The following CAMK4 variants were observed in gnomAD, a reference collection of about 807,000 sequenced individuals.
The protein encoded by CAMK4 is calcium/calmodulin dependent protein kinase IV.
CAMK4 carries 22 observed loss-of-function variants against 44.9 expected under a neutral mutation model. The observed-to-expected ratio is 0.49, with a 90% CI of 0.35 to 0.70. CAMK4 has a LOEUF of 0.70. CAMK4 is among the 30% of genes least tolerant of loss of function. CAMK4 has a pLI of 0.01. For synonymous variants in CAMK4, 218 were observed against 215.4 expected, an observed-to-expected ratio of 1.01 and a Z score of -0.11; for missense variants, 498 against 586.8, an observed-to-expected ratio of 0.85 and a Z score of 1.56.
chr5:111,368,812 T>C (rs1229806361), intron 2 of CAMK4, among the ~76,000 whole-genome samples: 2 of 152,050 alleles, frequency 1.3e-5, no homozygotes, highest in Non-Finnish European at 2.9e-5. Context: ...AGATTCTTAT[T>C]TGCTTCACCC....
intron 1 of CAMK4, among the ~76,000 whole-genome samples, chr5:111,269,330 C>G (rs1750400502): frequency 6.6e-6 from 1 of 152,138 alleles, no homozygotes; most frequent in African/African-American, 2.4e-5. Context: ...TTTTGGATAC[C>G]TTGGTCTTTT....
rs888959228 is a variant in CAMK4 at position 111,484,264 on chromosome 5, A to G, written c.1220A>G (p.Asp407Gly). 1 of 1,614,134 alleles carries G rather than the reference A, an allele frequency of 6.2e-7. No individual in the cohort carries two copies. The highest frequency in any genetic ancestry group is 8.5e-7 in the Non-Finnish European group (1 of 1,180,028). ...GCCTTAGAGAAAGTTAAAGGTGCAG[A>G]TATAAATGCTGAAGAGGCCCCCAAA... is the stretch of plus-strand genomic sequence containing the variant. Reference protein sequence around the residue: ...VQALEKVKGADINAEEAPKMV... With the variant: ...VQALEKVKGAGINAEEAPKMV... Residue 407 changes from aspartate (D) to glycine (G), a missense_variant, in exon 11 of 11, where the codon GAT becomes GGT. Asp to Gly is a moderately conservative substitution (Grantham distance 94). Coordinates refer to ENST00000282356, the MANE Select transcript of CAMK4 (RefSeq NM_001744.6). This position sits in a 1 kb window ranked among gnomAD's most constrained non-coding sequence, Gnocchi z 5.3.
chr5:111,393,013 G>T (rs558310380), intron 4 of CAMK4, among the ~76,000 whole-genome samples: 1 of 152,094 alleles, frequency 6.6e-6, no homozygotes, highest in Non-Finnish European at 1.5e-5. Flanking sequence ...ACACTAACTG[G>T]TCACTGAAAA....
intron 2 of CAMK4, among the ~76,000 whole-genome samples, chr5:111,345,940 C>G (rs1406316330): frequency 6.6e-6 from 1 of 151,930 alleles, no homozygotes; most frequent in African/African-American, 2.4e-5. Flanking sequence ...CAGATGTTGT[C>G]AAACACAGTT....
rs1289684217 is a variant in CAMK4 at position 111,446,728 on chromosome 5, G to C, written c.502G>C (p.Glu168Gln). Reference protein sequence around the residue: ...NGIVHRDLKPENLLYATPAPD... With the variant: ...NGIVHRDLKPQNLLYATPAPD... Reference sequence around the variant, plus strand: ...GATTGTCCATCGTGATCTCAAACCAGAGAATCTTCTTTATGCAACTCCAGC... The same window carrying C: ...GATTGTCCATCGTGATCTCAAACCACAGAATCTTCTTTATGCAACTCCAGC... The change falls in exon 6 of 11, where the codon GAG becomes CAG. Residue 168 changes from glutamate (E) to glutamine (Q), a missense_variant. By Grantham distance (29) the Glu-to-Gln change is conservative. Coordinates refer to ENST00000282356, the MANE Select transcript of CAMK4 (RefSeq NM_001744.6). 15 of 1,608,160 alleles carry C rather than the reference G, an allele frequency of 9.3e-6. No homozygotes were observed. Among genetic ancestry groups the C allele is most frequent in the Non-Finnish European group, 1.3e-5 (15 of 1,175,866 alleles).
At chr5:111,239,507 G>A (rs1490350129) in intron 1 of CAMK4, among the ~76,000 whole-genome samples, 2 of 152,106 alleles carry the variant, frequency 1.3e-5, no homozygotes, top group East Asian at 3.9e-4. Flanking sequence ...ATCCAAGAAG[G>A]GAGATTTTTA....
At chr5:111,288,295 C>A (rs1751316645) in intron 1 of CAMK4, among the ~76,000 whole-genome samples, 1 of 152,158 alleles carries the variant, frequency 6.6e-6, no homozygotes, top group African/African-American at 2.4e-5. Context: ...TAACCTAGCA[C>A]ACATGTGCAA....
At chr5:111,474,311 G>C (rs1227674013) in intron 8 of CAMK4, among the ~76,000 whole-genome samples, 1 of 152,218 alleles carries the variant, frequency 6.6e-6, no homozygotes, top group South Asian at 2.1e-4. Context: ...TTTTCTCACA[G>C]TTTTCGGGGG....
At chr5:111,239,963 G>A (rs149775343) in intron 1 of CAMK4, among the ~76,000 whole-genome samples, 29 of 152,238 alleles carry the variant, frequency 1.9e-4, no homozygotes, top group African/African-American at 6.5e-4. Context: ...GTAAATATTT[G>A]ACTACTGTTT....
Position 111,224,702 on chromosome 5 carries a change from C to A in CAMK4, c.161+58C>A. On this transcript the variant is annotated intron_variant, in intron 1 of 10. Transcript: ENST00000282356. This position sits in a 1 kb window ranked among gnomAD's most constrained non-coding sequence, Gnocchi z 5.7. The stretch of plus-strand genomic sequence containing the variant: ...GGCGTGCACTGGGGGTTGTCCCTCT[C>A]GCAGCGACGGCTCGGAGGGTGCGGG... 1 of 1,525,534 alleles carries A rather than the reference C, an allele frequency of 6.6e-7. No homozygotes were observed. The highest frequency in any genetic ancestry group is 8.9e-7 in the Non-Finnish European group (1 of 1,124,926). 94.5% of individuals were successfully genotyped at this position (1,525,534 alleles called of 1,614,324 possible).
intron 4 of CAMK4, among the ~76,000 whole-genome samples, chr5:111,387,193 A>G (rs1004769297): frequency 2.6e-5 from 4 of 152,154 alleles, no homozygotes; most frequent in Non-Finnish European, 5.9e-5. Flanking sequence ...TTATCCCTCT[A>G]TTTTTACAGC....
chr5:111,412,729 A>C (rs1752674014), intron 5 of CAMK4, among the ~76,000 whole-genome samples: 1 of 152,168 alleles, frequency 6.6e-6, no homozygotes, highest in African/African-American at 2.4e-5. Flanking sequence ...TAGAACAGAG[A>C]CTTGGTGGAA....
intron 4 of CAMK4, among the ~76,000 whole-genome samples, chr5:111,382,015 T>A (rs1230555193): frequency 6.6e-6 from 1 of 152,176 alleles, no homozygotes; most frequent in Non-Finnish European, 1.5e-5. Context: ...TCACTTTCTT[T>A]CTTATTAAGT....
chr5:111,333,410 GCAAA>G (rs35356337), intron 1 of CAMK4, among the ~76,000 whole-genome samples: 59,839 of 151,162 alleles, frequency 0.4, 12,773 homozygotes, highest in South Asian at 0.56. Flanking sequence ...ATATTTTGAA[GCAAA>G]CAAAGAGGAC....
At chr5:111,356,729 C>A (rs1336300781) in intron 2 of CAMK4, among the ~76,000 whole-genome samples, 1 of 152,118 alleles carries the variant, frequency 6.6e-6, no homozygotes, top group Non-Finnish European at 1.5e-5. Context: ...TATGGCTAGC[C>A]AGTTTTGCCA....
chr5:111,259,186 C>G (rs1749872893), intron 1 of CAMK4, among the ~76,000 whole-genome samples: 1 of 152,164 alleles, frequency 6.6e-6, no homozygotes, highest in South Asian at 2.1e-4. Flanking sequence ...AGAATATATG[C>G]TTCTTGGAGG....
intron 1 of CAMK4, chr5:111,269,944 A>G (rs907926339): frequency 6.6e-6 from 1 of 152,270 alleles, no homozygotes; most frequent in Non-Finnish European, 1.5e-5. Flanking sequence ...TCCTCCCAAC[A>G]GTGGGAAAGT....
intron 1 of CAMK4, among the ~76,000 whole-genome samples, chr5:111,238,299 A>G (rs1293794093): frequency 6.6e-6 from 1 of 152,168 alleles, no homozygotes; most frequent in Non-Finnish European, 1.5e-5. Flanking sequence ...GCATGTATTG[A>G]GACCCTAACT....
intron 4 of CAMK4, among the ~76,000 whole-genome samples, chr5:111,391,103 T>C (rs1751779639): frequency 6.6e-6 from 1 of 152,174 alleles, no homozygotes; most frequent in South Asian, 2.1e-4. Flanking sequence ...GTCAAGGCCT[T>C]GTGAACTCCT....
Sources: gnomAD v4.1 joint callset for allele counts (sites outside exome capture counted in the v4.1 genomes callset) on GRCh38, gnomAD v4.1.1 for gene constraint, Gnocchi (gnomAD v3.1) non-coding constraint, MANE v1.5 for transcripts, NCBI Gene and HGNC (gene_info 2026-07-23, HGNC 2026-07-21) for gene names.